PPIE: variants seen among roughly 807,000 people sequenced by gnomAD.
PPIE encodes the protein peptidyl-prolyl cis-trans isomerase E.
Under a neutral mutation model 38.4 loss-of-function variants are expected in PPIE, and 20 were observed. The ratio of observed to expected loss-of-function variants is 0.52; its 90% CI spans 0.37 to 0.76. PPIE has a LOEUF of 0.76. PPIE is among the 30% of genes least tolerant of loss of function. PPIE has a pLI of 0.00. For missense variants in PPIE, 322 were observed against 385.8 expected, an observed-to-expected ratio of 0.83 and a Z score of 1.39; for synonymous variants, 142 against 135.7, an observed-to-expected ratio of 1.05 and a Z score of -0.32.
Position 39,753,735 on chromosome 1 carries a change from A to T in PPIE, c.*380A>T. The stretch of plus-strand genomic sequence containing the variant: ...CCTGCTAGTTCTTGGGAGTTGTCAG[A>T]GATTGTGTCTGTGGCTAAGCTGGAC... On this transcript the variant is annotated 3_prime_UTR_variant, in exon 10 of 10. Coordinates refer to ENST00000324379, the MANE Select transcript of PPIE (RefSeq NM_006112.4). 9.7e-7 allele frequency: 1 copy of T among 1,028,332 alleles called. No individual in the cohort carries two copies. Among genetic ancestry groups the T allele is most frequent in the Non-Finnish European group, 1.2e-6 (1 of 857,066 alleles). The allele number at this position is 1,028,332 out of a possible 1,614,324, so 63.7% of individuals were successfully genotyped here.
downstream of PPIE, chr1:39,760,119 C>T (rs1274500606): frequency 2.2e-6 from 1 of 445,080 alleles, no homozygotes; most frequent in Non-Finnish European, 4.1e-6. Context: ...GACAGGACTT[C>T]TGTGCCAACC....
chr1:39,739,330 C>A (rs998028510), intron 1 of PPIE: 1 of 191,304 alleles, frequency 5.2e-6, no homozygotes, highest in Non-Finnish European at 1.1e-5. Flanking sequence ...ATTCTGACTT[C>A]CTAGCCCGCT....
downstream of PPIE, chr1:39,757,150 G>A (rs2124389892): frequency 6.6e-6 from 1 of 152,178 alleles, no homozygotes; most frequent in Non-Finnish European, 1.5e-5. Flanking sequence ...GTTTAGGAAA[G>A]AGCACAGCTC....
chr1:39,754,141 A>G lies in PPIE; in HGVS notation c.*786A>G, dbSNP rs986209735. 4 of 901,978 alleles carry G rather than the reference A, an allele frequency of 4.4e-6. No homozygotes were observed. The African/African-American group carries it at 5.4e-5, about 12-fold the overall frequency. The allele number at this position is 901,978 out of a possible 1,614,324, so 55.9% of individuals were successfully genotyped here. On this transcript the variant is annotated 3_prime_UTR_variant, in exon 10 of 10. Coordinates refer to ENST00000324379, the MANE Select transcript of PPIE (RefSeq NM_006112.4). ...TCCAGCCCACTGCCTGTTTTTATGA[A>G]TCAGGTTTTATTGGAACACAGCCAC... is the stretch of plus-strand genomic sequence containing the variant.
intron 1 of PPIE, 44 bp downstream of exon 1, chr1:39,738,975 C>T (rs779547113): frequency 2.1e-6 from 3 of 1,417,224 alleles, no homozygotes; most frequent in Non-Finnish European, 2.8e-6. Flanking sequence ...TGAACGCGAC[C>T]CCCAAGGGTC....
downstream of PPIE, chr1:39,760,690 G>C: frequency 7.8e-7 from 1 of 1,274,308 alleles, no homozygotes; most frequent in Non-Finnish European, 1.1e-6. Flanking sequence ...CATGGGAGCA[G>C]CACAATAATA....
intron 9 of PPIE, chr1:39,762,604 G>T: frequency 1.3e-6 from 2 of 1,550,104 alleles, no homozygotes; most frequent in East Asian, 4.9e-5. Flanking sequence ...AAGCCAAAAG[G>T]TTGAGAGCCA....
intron 8 of PPIE, among the ~76,000 whole-genome samples, chr1:39,752,503 G>A (rs756409825): frequency 6.6e-6 from 1 of 152,068 alleles, no homozygotes; most frequent in Non-Finnish European, 1.5e-5. Context: ...ACATATACAT[G>A]TACATTCTCT....
At chr1:39,743,105 C>A in intron 4 of PPIE, 111 bp from the exon 5 acceptor site, 1 of 934,992 alleles carries the variant, frequency 1.1e-6, no homozygotes, top group South Asian at 1.5e-5. Context: ...GGTAGAGGCC[C>A]AGGGATTAAG....
Position 39,743,879 on chromosome 1 carries a change from T to C in PPIE, c.339T>C (p.Asn113=). ...TTTCTGGGAAGACGCTTGAAGAGAA[T>C]AAAGAGGAAGAAGGGTCAGAGCCTC... ...KKFSGKTLEE[N]KEEEGSEPPK... is the part of the protein sequence containing the mutation. The change falls in exon 6 of 10, where the codon AAT becomes AAC. Residue 113 remains asparagine (N), a synonymous_variant. Transcript: ENST00000324379. 1 of 1,613,818 alleles carries C rather than the reference T, an allele frequency of 6.2e-7. No individual in the cohort carries two copies. Among genetic ancestry groups the C allele is most frequent in the South Asian group, 1.1e-5 (1 of 91,070 alleles).
At position 39,742,187 on chromosome 1, in the gene PPIE, A is replaced by G. The variant is rs1049567016; in HGVS notation, c.201+266A>G. ...CTCCCATGTTTAGGATAATTTGCAG[A>G]CACAGTGCAAATTGATTGCACGGTG... On this transcript the variant is annotated intron_variant, in intron 4 of 9. Transcript: ENST00000324379. 2.3e-5 allele frequency: 10 copies of G among 438,490 alleles called. No individual in the cohort carries two copies. The Admixed American group carries it at 3.6e-4, about 16-fold the overall frequency. 27.2% of individuals were successfully genotyped at this position (438,490 alleles called of 1,614,324 possible). A position where few individuals can be genotyped will look rare whatever the true frequency, so the allele number is the denominator to read the frequency against.
chr1:39,744,255 C>T (rs1213076538), intron 6 of PPIE, among the ~76,000 whole-genome samples: 2 of 152,212 alleles, frequency 1.3e-5, no homozygotes, highest in South Asian at 2.1e-4. Flanking sequence ...ATCAGTCCCC[C>T]TCCTTCACTG....
rs866854310 is a variant in PPIE, at chr1:39,755,127, G to C, written c.*1772G>C. ...CCACTCCCCCTCCAGATGCTGGTCA[G>C]CCAGGCGGTTATAAAGAATCTCATC... On this transcript the variant is annotated 3_prime_UTR_variant, in exon 10 of 10. Coordinates refer to ENST00000324379, the MANE Select transcript of PPIE (RefSeq NM_006112.4). 5 of 985,442 alleles carry C rather than the reference G, an allele frequency of 5.1e-6. No individual in the cohort carries two copies. The highest frequency in any genetic ancestry group is 1.0e-3 in the Middle Eastern group (2 of 1,914). 61.0% of individuals were successfully genotyped at this position (985,442 alleles called of 1,614,324 possible).
downstream of PPIE, chr1:39,760,086 T>G (rs1648730075): frequency 3.0e-6 from 1 of 330,284 alleles, no homozygotes; most frequent in Non-Finnish European, 5.7e-6. Context: ...CCTGAGCCAG[T>G]AAGGGGCATG....
At chr1:39,748,838 T>C (rs1647389030) in intron 7 of PPIE, 65 bp from the exon 8 acceptor site, 1 of 1,493,056 alleles carries the variant, frequency 6.7e-7, no homozygotes, top group Non-Finnish European at 9.1e-7. Flanking sequence ...AAACCAAAGT[T>C]TTTTCGAGGT....
chr1:39,763,747 C>T lies in PPIE; in HGVS notation c.*5C>T, dbSNP rs376816899. 24 of 1,603,638 alleles carry T rather than the reference C, an allele frequency of 1.5e-5. 1 individual carries two copies. Among genetic ancestry groups the T allele is most frequent in the Admixed American group, 1.2e-4 (7 of 59,728 alleles). On this transcript the variant is annotated 3_prime_UTR_variant, in exon 10 of 10. Coordinates refer to the PPIE transcript ENST00000356511. ...AGGTCCTGGAAGCTGACGTAGAGCT[C>T]GTGCCGACGGCAGACCTGCCGGCCG...
intron 8 of PPIE, among the ~76,000 whole-genome samples, chr1:39,751,408 G>A (rs1647718118): frequency 1.3e-5 from 2 of 152,146 alleles, no homozygotes; most frequent in African/African-American, 4.8e-5. Flanking sequence ...TGCTCAGGCT[G>A]GAGTGCAGTG....
chr1:39,741,128 C>T (rs890617501), intron 2 of PPIE, among the ~76,000 whole-genome samples: 15 of 152,074 alleles, frequency 9.9e-5, no homozygotes, highest in Admixed American at 3.9e-4. Flanking sequence ...TAATTGAATA[C>T]TTATCAATTA....
intron 8 of PPIE, 78 bp from the exon 9 acceptor site, chr1:39,752,832 C>T: frequency 6.5e-7 from 1 of 1,527,610 alleles, no homozygotes; most frequent in Non-Finnish European, 8.8e-7. Context: ...GGCTGAAGGG[C>T]TGTCAACAGC....
Sources: allele counts gnomAD v4.1 joint callset (sites outside exome capture counted in the v4.1 genomes callset), GRCh38; gene constraint gnomAD v4.1.1; transcripts MANE v1.5; gene names NCBI Gene and HGNC (gene_info 2026-07-23, HGNC 2026-07-21).